Variants in IGBP1C observed in about 807,000 individuals in gnomAD.
IGBP1C encodes the protein immunoglobulin-binding protein 1 family member C.
chr17:58,675,126 A>G, the IGBP1C span, among the ~76,000 whole-genome samples: 1 of 151,994 alleles, frequency 6.6e-6, no homozygotes, highest in Admixed American at 6.6e-5. Flanking sequence ...AGCCTGGATG[A>G]CACAGGGAAA....
chr17:58,674,560 C>T, the IGBP1C span, among the ~76,000 whole-genome samples: 8 of 151,416 alleles, frequency 5.3e-5, no homozygotes, highest in Non-Finnish European at 1.0e-4. Context: ...ATCCCAGCTA[C>T]TCGAGACGGA....
At chr17:58,684,258 A>C in the IGBP1C span, among the ~76,000 whole-genome samples, 1 of 151,010 alleles carries the variant, frequency 6.6e-6, no homozygotes, top group East Asian at 2.0e-4. Flanking sequence ...GGTCAGGAGC[A>C]TGAGACCAGC....
At chr17:58,688,602 CA>C in the IGBP1C span, among the ~76,000 whole-genome samples, 2 of 152,018 alleles carry the variant, frequency 1.3e-5, no homozygotes, top group Non-Finnish European at 2.9e-5. Flanking sequence ...TAATCTTGAC[CA>C]AAACCCCAGG....
At chr17:58,676,978 G>A in the IGBP1C span, among the ~76,000 whole-genome samples, 1 of 152,032 alleles carries the variant, frequency 6.6e-6, no homozygotes, top group Non-Finnish European at 1.5e-5. Context: ...AAGTAGCCAG[G>A]TGTTGTGGCG....
chr17:58,681,285 A>C, the IGBP1C span, among the ~76,000 whole-genome samples: 57 of 152,230 alleles, frequency 3.7e-4, no homozygotes, highest in African/African-American at 1.3e-3. Flanking sequence ...AAAAATGAAA[A>C]TAAAAATCTT....
chr17:58,665,126 T>C, the IGBP1C span, among the ~76,000 whole-genome samples: 2 of 152,102 alleles, frequency 1.3e-5, no homozygotes, highest in Non-Finnish European at 1.5e-5. Flanking sequence ...ACATATTCAG[T>C]TGAACATTTT....
At chr17:58,679,649 C>G in the IGBP1C span, 7 of 152,176 alleles carry the variant, frequency 4.6e-5, no homozygotes, top group African/African-American at 1.7e-4. Flanking sequence ...CCTGAAAAAT[C>G]CACCTTTAAT....
chr17:58,680,054 T>C, the IGBP1C span, among the ~76,000 whole-genome samples: 2 of 151,810 alleles, frequency 1.3e-5, no homozygotes, highest in African/African-American at 4.8e-5. Context: ...GGTTTGGCAC[T>C]AATGATGCCA....
chr17:58,670,242 C>T, the IGBP1C span, among the ~76,000 whole-genome samples: 13 of 152,142 alleles, frequency 8.5e-5, no homozygotes. Context: ...AGACTACAGA[C>T]TGTCGAAGGA....
the IGBP1C span, among the ~76,000 whole-genome samples, chr17:58,667,985 C>G: frequency 6.6e-6 from 1 of 151,476 alleles, no homozygotes; most frequent in Non-Finnish European, 1.5e-5. Flanking sequence ...TGTGCATGTT[C>G]TTGTAAAATC....
At chr17:58,660,713 C>T in the IGBP1C span, 2 of 781,516 alleles carry the variant, frequency 2.6e-6, no homozygotes, top group South Asian at 2.7e-5. Flanking sequence ...AGTGGCTTTT[C>T]TGAATTCTTC....
chr17:58,674,209 G>A, the IGBP1C span, among the ~76,000 whole-genome samples: 87 of 151,962 alleles, frequency 5.7e-4, no homozygotes, highest in Middle Eastern at 3.4e-3. Context: ...CAGGGAGGTG[G>A]AGGTTGCAGT....
chr17:58,679,652 C>T, the IGBP1C span: 1 of 152,192 alleles, frequency 6.6e-6, no homozygotes, highest in African/African-American at 2.4e-5. Flanking sequence ...GAAAAATCCA[C>T]CTTTAATGAT....
the IGBP1C span, among the ~76,000 whole-genome samples, chr17:58,686,052 G>A: frequency 1.4e-5 from 2 of 147,120 alleles, no homozygotes; most frequent in Non-Finnish European, 3.0e-5. Context: ...GAAATGTACT[G>A]TAAAAAGATC....
the IGBP1C span, among the ~76,000 whole-genome samples, chr17:58,688,555 ACT>A: frequency 1.3e-5 from 2 of 152,206 alleles, no homozygotes; most frequent in Non-Finnish European, 2.9e-5. Flanking sequence ...TTTATTATGT[ACT>A]TTTTTGTGTG....
chr17:58,683,934 G>T, the IGBP1C span, among the ~76,000 whole-genome samples: 5 of 143,538 alleles, frequency 3.5e-5, no homozygotes, highest in East Asian at 4.3e-4. Flanking sequence ...GCGTGGTGGT[G>T]CATCCCTGTC....
At chr17:58,689,163 C>T in the IGBP1C span, among the ~76,000 whole-genome samples, 4 of 152,032 alleles carry the variant, frequency 2.6e-5, no homozygotes, top group East Asian at 1.9e-4. Flanking sequence ...CTCCTGATCT[C>T]GTGATCCGCC....
the IGBP1C span, among the ~76,000 whole-genome samples, chr17:58,689,713 T>C: frequency 3.0e-3 from 453 of 152,256 alleles, 1 homozygote; most frequent in African/African-American, 0.01. Context: ...ATTTATCCCA[T>C]AGCTTTGTTT....
chr17:58,662,745 T>C, the IGBP1C span, among the ~76,000 whole-genome samples: 2 of 152,288 alleles, frequency 1.3e-5, no homozygotes, highest in African/African-American at 4.8e-5. Context: ...CTCAGAAATA[T>C]GAGAGTGACA....
Sources: gnomAD v4.1 joint callset for allele counts (sites outside exome capture counted in the v4.1 genomes callset) on GRCh38, gnomAD v4.1.1 for gene constraint, MANE v1.5 for transcripts, NCBI Gene and HGNC (gene_info 2026-07-23, HGNC 2026-07-21) for gene names.